POLG: variants seen among roughly 807,000 people sequenced by gnomAD.
The protein encoded by POLG is DNA polymerase gamma, catalytic subunit.
A neutral mutation model predicts 155.4 loss-of-function variants in POLG; 110 were observed. The observed-to-expected ratio is 0.71, with a 90% CI of 0.61 to 0.83. POLG has a LOEUF of 0.83. POLG is among the 40% of genes least tolerant of loss of function. The pLI is 0.00. For synonymous variants in POLG, 701 were observed against 631.5 expected (o/e 1.11, Z -1.65); for missense variants, 1,685 against 1,627.5 (o/e 1.04, Z -0.61).
intron 2 of POLG, among the ~76,000 whole-genome samples, chr15:89,331,315 AT>A (rs1040327024): frequency 9.9e-5 from 15 of 151,446 alleles, no homozygotes; most frequent in Middle Eastern, 3.4e-3. Flanking sequence ...CCACATTTTA[AT>A]TCAGCATGTC....
intron 19 of POLG, 63 bp from the exon 20 acceptor site, chr15:89,319,162 C>T (rs1180706272): frequency 1.2e-6 from 2 of 1,614,034 alleles, no homozygotes; most frequent in Non-Finnish European, 1.7e-6. Flanking sequence ...AAAAACAAAG[C>T]ATCCAAGCTC....
At chr15:89,321,391 T>C in intron 16 of POLG, 131 bp from the exon 17 acceptor site, 1 of 1,066,230 alleles carries the variant, frequency 9.4e-7, no homozygotes, top group Admixed American at 2.0e-5. Context: ...CTGCTGAAAT[T>C]CCACAGTTCC....
intron 18 of POLG, 114 bp downstream of exon 18, chr15:89,320,652 G>A (rs1251615126): frequency 1.2e-5 from 14 of 1,184,786 alleles, no homozygotes; most frequent in Non-Finnish European, 1.6e-5. Flanking sequence ...GAAGGAGAGG[G>A]GCTAGGTGAG....
rs2055628620 is a variant in POLG, at chr15:89,333,620, CT to C, written c.134del (p.Gln45ArgfsTer221). The stretch of plus-strand genomic sequence containing the variant: ...GTTGCTGCTGCTGCTGCTGCTGCTG[CT>C]GCTGCTGCCGCCGCCGCTGCCCGTC... The part of the protein sequence containing the change: ...PSDGQRRRQQ[Q>X]QQQQQQQQQQ... On this transcript the variant is annotated frameshift_variant, in exon 2 of 23. Transcript: ENST00000268124. LOFTEE classifies it high-confidence loss of function. 5.6e-6 allele frequency: 9 copies of C among 1,601,010 alleles called. No individual in the cohort carries two copies. The highest frequency in any genetic ancestry group is 1.3e-5 in the African/African-American group (1 of 74,690).
intron 3 of POLG, 26 bp from the exon 4 acceptor site, chr15:89,329,136 A>AG: frequency 6.3e-7 from 1 of 1,594,978 alleles, no homozygotes; most frequent in Non-Finnish European, 8.5e-7. Flanking sequence ...AGAAAAGGGA[A>AG]GGGAAGGAGG....
chr15:89,325,135 T>TGAGA (rs1567189488), intron 10 of POLG, among the ~76,000 whole-genome samples: 4 of 30,540 alleles, frequency 1.3e-4, no homozygotes, highest in Admixed American at 4.3e-4. Flanking sequence ...AGTGAGAGAG[T>TGAGA]GAGTGAGAGA....
rs1364494765 is a variant in POLG, at chr15:89,334,770, G to T, written c.-257C>A. On this transcript the variant is annotated 5_prime_UTR_variant, in exon 1 of 23. Transcript: ENST00000268124. ...GCGGCCTACGCAGCCTCGGGGTAGC[G>T]TGTGGCCTCCACCCGGCCGGTCCGC... 6.6e-6 allele frequency: 1 copy of T among 152,386 alleles called. No individual in the cohort carries two copies. Among genetic ancestry groups the T allele is most frequent in the Non-Finnish European group, 1.5e-5 (1 of 68,136 alleles). The allele number at this position is 152,386 out of a possible 1,614,324, so 9.4% of individuals were successfully genotyped here.
In POLG at chr15:89,317,445, C is replaced by T; in HGVS notation, c.3574G>A (p.Glu1192Lys). 6.2e-7 allele frequency: 1 copy of T among 1,614,144 alleles called. No individual in the cohort carries two copies. The highest frequency in any genetic ancestry group is 8.5e-7 in the Non-Finnish European group (1 of 1,179,998). ...GGGGTTTTACAATCCATGGTCACTT[C>T]CTTCCTGAGGCACCGGTCAATATCG... ...AVDIDRCLRK[E>K]VTMDCKTPSN... is the part of the protein sequence containing the mutation. The change falls in exon 22 of 23, where the codon GAA becomes AAA. Residue 1192 changes from glutamate (E) to lysine (K), a missense_variant. Physicochemically the swap from Glu to Lys is moderately conservative, Grantham distance 56. Around this residue, in one of 3 missense-constraint regions of POLG, gnomAD observed 470 missense variants for 439.9 expected, o/e 1.07. Transcript: ENST00000268124.
Position 89,325,247 on chromosome 15 carries a change from TGAGAGAGAGAGTGAGTGAGTGAGTGAGA to T in POLG, c.1949+175_1949+202del, listed in dbSNP as rs2055492587. On this transcript the variant is annotated intron_variant, in intron 10 of 22. Transcript: ENST00000268124. ...GAGAGTGAGTGAGAGAGTGAGTGAG[TGAGAGAGAGAGTGAGTGAGTGAGTGAGA>T]GAGAGAGAAAGAGAGAGAGAGAGGG... 1.4e-4 allele frequency among the ~76,000 whole-genome samples: 10 copies of T among 73,580 alleles called. 2 individuals are homozygous for T. Among genetic ancestry groups the T allele is most frequent in the African/African-American group, 1.1e-3 (10 of 8,736 alleles). 48.3% of individuals were successfully genotyped at this position (73,580 alleles called of 152,430 possible).
rs1164304341 is a variant in POLG at position 89,334,810 on chromosome 15, C to G, written c.-297G>C. On this transcript the variant is annotated 5_prime_UTR_variant, in exon 1 of 23. Coordinates refer to ENST00000268124, the MANE Select transcript of POLG (RefSeq NM_002693.3). Reference sequence around the variant, plus strand: ...GGCCGGTCCGCTTCGCTGGCAGCCGCAACTTCCCGTCTGCACCCAGCTAGG... The same window carrying G: ...GGCCGGTCCGCTTCGCTGGCAGCCGGAACTTCCCGTCTGCACCCAGCTAGG... 1 of 152,330 alleles carries G rather than the reference C, an allele frequency of 6.6e-6. No homozygotes were observed. The highest frequency in any genetic ancestry group is 1.5e-5 in the Non-Finnish European group (1 of 68,098). 9.4% of individuals were successfully genotyped at this position (152,330 alleles called of 1,614,324 possible). A position where few individuals can be genotyped will look rare whatever the true frequency, so the allele number is the denominator to read the frequency against.
chr15:89,326,981 CCTT>C lies in POLG; in HGVS notation c.1513_1515del (p.Lys505del). The C allele has an allele frequency of 6.2e-7, 1 of 1,614,220 alleles. No homozygotes were observed. The highest frequency in any genetic ancestry group is 8.5e-7 in the Non-Finnish European group (1 of 1,180,038). ...GGCAACTTGCTGGCTGTGGCTGGTT[CCTT>C]CTTCACCTTCTTAGCTTTCTTCTGC... On this transcript the variant is annotated inframe_deletion, in exon 8 of 23. Coordinates refer to ENST00000268124, the MANE Select transcript of POLG (RefSeq NM_002693.3).
At chr15:89,325,137 A>T (rs2055475431) in intron 10 of POLG, among the ~76,000 whole-genome samples, 1 of 73,130 alleles carries the variant, frequency 1.4e-5, no homozygotes, top group East Asian at 4.8e-4. Context: ...TGAGAGAGTG[A>T]GTGAGAGAGT....
At chr15:89,321,077 G>C (rs765638362) in intron 17 of POLG, 48 bp downstream of exon 17, 2 of 1,558,754 alleles carry the variant, frequency 1.3e-6, no homozygotes, top group Non-Finnish European at 1.7e-6. Context: ...CATCAGAACT[G>C]TCAATATGCT....
rs200056162 is a variant in POLG at position 89,329,112 on chromosome 15, T to TGAGGAG, written c.856-8_856-3dup. Reference sequence around the variant, plus strand: ...GTCCAGGAAACGCATGCGGGAACCCTGAGGAGGAGGAGGAGAAAAGGGAAG... The same window carrying TGAGGAG: ...GTCCAGGAAACGCATGCGGGAACCCTGAGGAGGAGGAGGAGGAGGAGAAAAGGGAAG... On this transcript the variant is annotated splice_region_variant and splice_polypyrimidine_tract_variant and intron_variant, in intron 3 of 22. Transcript: ENST00000268124. 6.2e-7 allele frequency: 1 copy of TGAGGAG among 1,609,552 alleles called. No individual in the cohort carries two copies. The highest frequency in any genetic ancestry group is 8.5e-7 in the Non-Finnish European group (1 of 1,178,966).
At position 89,316,697 on chromosome 15, in the gene POLG, C is replaced by T. The variant is rs1261268392; in HGVS notation, c.*54G>A. ...CAGCTGAAAGCCTGAGTTTGGGAGC[C>T]TGCACCACCCCGATGAAGCTCCACG... On this transcript the variant is annotated 3_prime_UTR_variant, in exon 23 of 23. Transcript: ENST00000268124. The T allele has an allele frequency of 7.0e-7, 1 of 1,431,714 alleles. No homozygotes were observed. The highest frequency in any genetic ancestry group is 1.4e-5 in the African/African-American group (1 of 70,544). 88.7% of individuals were successfully genotyped at this position (1,431,714 alleles called of 1,614,324 possible).
intron 3 of POLG, 72 bp from the exon 4 acceptor site, chr15:89,329,182 G>A (rs756871316): frequency 4.3e-4 from 588 of 1,353,340 alleles, no homozygotes; most frequent in Non-Finnish European, 5.7e-4. Flanking sequence ...ACCACTGCTT[G>A]GTGGTGTGGA....
intron 13 of POLG, among the ~76,000 whole-genome samples, 157 bp from the exon 14 acceptor site, chr15:89,323,059 G>A (rs1196683760): frequency 5.3e-5 from 8 of 150,620 alleles, no homozygotes; most frequent in Admixed American, 6.6e-5. Flanking sequence ...ACGCGCGCAC[G>A]CACACACACA....
chr15:89,332,842 A>T (rs759126900), intron 2 of POLG, among the ~76,000 whole-genome samples: 19 of 152,316 alleles, frequency 1.2e-4, no homozygotes, highest in Admixed American at 9.8e-4. Context: ...CGAAGGTCTC[A>T]TGTACAGCGC....
At chr15:89,325,893 A>C (rs1415167802) in intron 9 of POLG, among the ~76,000 whole-genome samples, 1 of 152,150 alleles carries the variant, frequency 6.6e-6, no homozygotes, top group Non-Finnish European at 1.5e-5. Flanking sequence ...AAGCAAAGAC[A>C]CTAAGTCAGT....
Sources: gnomAD v4.1 joint callset for allele counts (sites outside exome capture counted in the v4.1 genomes callset) on GRCh38, gnomAD v4.1.1 for gene constraint, gnomAD v4.1.1 regional missense constraint, MANE v1.5 for transcripts, NCBI Gene and HGNC (gene_info 2026-07-23, HGNC 2026-07-21) for gene names.